The following KAZN variants were observed in gnomAD, a reference collection of about 807,000 sequenced individuals.
KAZN encodes the protein kazrin.
In KAZN, 40 loss-of-function variants were observed where a neutral mutation model predicts 87.4. The ratio of observed to expected loss-of-function variants is 0.46; its 90% CI spans 0.36 to 0.60. The LOEUF is 0.60. Among genes scored for constraint, KAZN ranks in the 20% least tolerant of loss-of-function variants. The pLI is 0.00. For missense variants in KAZN, 898 were observed against 1,073.9 expected, an observed-to-expected ratio of 0.84 and a Z score of 2.29; for synonymous variants, 466 against 458.3, an observed-to-expected ratio of 1.02 and a Z score of -0.22.
At chr1:14,634,661 G>A (rs1679830746) in intron 1 of KAZN, among the ~76,000 whole-genome samples, 1 of 152,196 alleles carries the variant, frequency 6.6e-6, no homozygotes, top group Admixed American at 6.5e-5. Flanking sequence ...CTCCTGGACA[G>A]GCTGGCTTTG....
rs148470378 is a variant in KAZN, at chr1:14,082,285, G to A, written c.92-98150G>A. 6.6e-3 allele frequency among the ~76,000 whole-genome samples: 1,002 copies of A among 152,190 alleles called. 10 individuals are homozygous for A. In the South Asian group the frequency reaches 0.068, roughly 10 times the overall value. On this transcript the variant is annotated intron_variant, in intron 1 of 16. Coordinates refer to the KAZN transcript ENST00000636203. ...TGCTTGGAATCAAATCCTACCTTTC[G>A]GGGATATCTTAAATCCAGTCTCTTA...
intron 7 of KAZN, among the ~76,000 whole-genome samples, chr1:15,065,247 C>T (rs1445627242): frequency 2.0e-5 from 3 of 152,034 alleles, no homozygotes; most frequent in Non-Finnish European, 2.9e-5. Flanking sequence ...AGGCTGGTCT[C>T]GAACTCCCGA....
At chr1:14,862,678 C>T (rs888595093) in intron 1 of KAZN, among the ~76,000 whole-genome samples, 2 of 152,124 alleles carry the variant, frequency 1.3e-5, no homozygotes, top group African/African-American at 2.4e-5. Context: ...CTGGGAGTTT[C>T]GAATCAGTAT....
At chr1:15,111,091 T>C (rs1192783852) in intron 13 of KAZN, among the ~76,000 whole-genome samples, 6 of 152,158 alleles carry the variant, frequency 3.9e-5, no homozygotes, top group Non-Finnish European at 7.4e-5. Context: ...AGCAAGGCCC[T>C]CCCTGTTATG....
chr1:14,012,106 C>T (rs1008837203), intron 1 of KAZN, among the ~76,000 whole-genome samples: 1 of 152,168 alleles, frequency 6.6e-6, no homozygotes, highest in Middle Eastern at 3.4e-3. Context: ...AAGTGAGAGA[C>T]CTGACTGTAG....
chr1:14,966,855 G>C (rs548456983), intron 2 of KAZN, among the ~76,000 whole-genome samples: 1 of 152,100 alleles, frequency 6.6e-6, no homozygotes, highest in Non-Finnish European at 1.5e-5. Context: ...ATTTTTAATA[G>C]GACTGGGTTT....
intron 2 of KAZN, among the ~76,000 whole-genome samples, chr1:14,434,479 T>C (rs1270825849): frequency 3.3e-5 from 5 of 152,212 alleles, no homozygotes; most frequent in Non-Finnish European, 5.9e-5. Context: ...ACTTGTCCCA[T>C]GACACATCAT....
rs1553181094 is a variant in KAZN at position 13,981,089 on chromosome 1, T to TATATATATA, written c.91+87333_91+87334insATATATATA. On this transcript the variant is annotated intron_variant, in intron 1 of 16. Transcript: ENST00000636203. The stretch of plus-strand genomic sequence containing the variant: ...TTGGAGAGGTATAAAAAATTACTCT[T>TATATATATA]TATATATATATATATATATATGTAT... 4.6e-4 allele frequency among the ~76,000 whole-genome samples: 29 copies of TATATATATA among 63,136 alleles called. 3 individuals are homozygous for TATATATATA. The highest frequency in any genetic ancestry group is 9.7e-4 in the South Asian group (2 of 2,072). 41.4% of individuals were successfully genotyped at this position (63,136 alleles called of 152,430 possible).
At chr1:14,607,958 G>A (rs568569274) in intron 1 of KAZN, among the ~76,000 whole-genome samples, 1 of 152,334 alleles carries the variant, frequency 6.6e-6, no homozygotes, top group South Asian at 2.1e-4. Context: ...TCATATTACA[G>A]AGAGTTAGAT....
intron 2 of KAZN, among the ~76,000 whole-genome samples, chr1:14,541,180 G>A (rs941687916): frequency 3.9e-5 from 6 of 152,136 alleles, no homozygotes; most frequent in Non-Finnish European, 8.8e-5. Flanking sequence ...CCGATCTCAC[G>A]GAAATGTTAA....
chr1:15,044,944 T>C (rs1011049310), intron 4 of KAZN, among the ~76,000 whole-genome samples: 10 of 152,156 alleles, frequency 6.6e-5, no homozygotes. Context: ...AAACAAATAA[T>C]TTTTTCCTAA....
chr1:14,925,610 G>C (rs61017771), intron 1 of KAZN, among the ~76,000 whole-genome samples: 1 of 152,070 alleles, frequency 6.6e-6, no homozygotes, highest in Non-Finnish European at 1.5e-5. Context: ...AGTTTTGTCC[G>C]TGGAAATCCA....
At chr1:14,518,178 CTTTTT>C (rs141321203) in intron 2 of KAZN, among the ~76,000 whole-genome samples, 111 of 91,306 alleles carry the variant, frequency 1.2e-3, no homozygotes, top group Non-Finnish European at 1.8e-3. Flanking sequence ...TTTTTGAAGG[CTTTTT>C]TTTTTTTTTT....
chr1:14,142,648 C>G (rs1336989768), intron 1 of KAZN, among the ~76,000 whole-genome samples: 1 of 152,218 alleles, frequency 6.6e-6, no homozygotes, highest in Non-Finnish European at 1.5e-5. Flanking sequence ...TGGCTGTTAG[C>G]TCTTTAGAGA....
chr1:14,563,851 C>CA (rs1192467984), intron 2 of KAZN, among the ~76,000 whole-genome samples: 2 of 142,860 alleles, frequency 1.4e-5, no homozygotes, highest in African/African-American at 2.5e-5. Context: ...TGCCTGATTG[C>CA]ACTCAGAGTA....
chr1:13,937,376 T>C (rs1260241914), intron 1 of KAZN, among the ~76,000 whole-genome samples: 2 of 152,194 alleles, frequency 1.3e-5, no homozygotes, highest in African/African-American at 4.8e-5. Context: ...GTGTTATTTG[T>C]TGTTTTCCTT....
chr1:15,033,384 A>G (rs1442530704), intron 2 of KAZN, among the ~76,000 whole-genome samples: 3 of 152,250 alleles, frequency 2.0e-5, no homozygotes, highest in African/African-American at 4.8e-5. Context: ...AAACATTTGC[A>G]TATAAGTTTT....
chr1:14,780,524 T>C, intron 1 of KAZN, among the ~76,000 whole-genome samples: 1 of 152,236 alleles, frequency 6.6e-6, no homozygotes, highest in East Asian at 1.9e-4. Flanking sequence ...GCCTCCGGTT[T>C]CTCTTCTGTC....
At chr1:13,973,226 T>A (rs1352461946) in intron 1 of KAZN, among the ~76,000 whole-genome samples, 2 of 152,224 alleles carry the variant, frequency 1.3e-5, no homozygotes, top group African/African-American at 4.8e-5. Context: ...GTAAACTTCA[T>A]AACAACCTCA....
Sources: gnomAD v4.1 joint callset for allele counts (sites outside exome capture counted in the v4.1 genomes callset) on GRCh38, gnomAD v4.1.1 for gene constraint, MANE v1.5 for transcripts, NCBI Gene and HGNC (gene_info 2026-07-23, HGNC 2026-07-21) for gene names.